BMERB1: variants seen among roughly 807,000 people sequenced by gnomAD.
The protein encoded by BMERB1 is bMERB domain containing 1, also known as bMERB domain-containing protein 1.
A neutral mutation model predicts 23.6 loss-of-function variants in BMERB1; 12 were observed. The ratio of observed to expected loss-of-function variants is 0.51; its 90% confidence interval spans 0.33 to 0.82. The LOEUF (loss-of-function observed/expected upper bound fraction) is 0.82. BMERB1 is among the 40% of genes least tolerant of loss of function. The probability of loss-of-function intolerance (pLI) is 0.03; values close to 1 mark genes in which losing one functional copy is unlikely to be tolerated. For missense variants in BMERB1, 247 were observed against 255.4 expected, an observed-to-expected ratio of 0.97 and a Z score of 0.22; for synonymous variants, 122 against 96.6, an observed-to-expected ratio of 1.26 and a Z score of -1.54.
chr16:15,444,094 C>T (rs564594048), intron 1 of BMERB1, among the ~76,000 whole-genome samples: 7 of 126,798 alleles, frequency 5.5e-5, no homozygotes, highest in African/African-American at 1.5e-4. Flanking sequence ...GGTGAATATT[C>T]CAAAGGCCAG....
At chr16:15,481,653 A>G (rs971330084) in intron 1 of BMERB1, among the ~76,000 whole-genome samples, 4 of 151,966 alleles carry the variant, frequency 2.6e-5, no homozygotes, top group African/African-American at 9.7e-5. Flanking sequence ...ACCTACTTCT[A>G]GATTGTCTGC....
intron 1 of BMERB1, among the ~76,000 whole-genome samples, chr16:15,469,719 A>G (rs1267232727): frequency 6.6e-6 from 1 of 152,172 alleles, no homozygotes; most frequent in African/African-American, 2.4e-5. Context: ...ATAAATTTAT[A>G]TTTAGGTATT....
At chr16:15,568,105 C>T in intron 3 of BMERB1, 49 bp downstream of exon 3, 1 of 1,539,732 alleles carries the variant, frequency 6.5e-7, no homozygotes, top group Non-Finnish European at 8.9e-7. Flanking sequence ...TTGGGGGCCC[C>T]CAGCCTGGCC....
chr16:15,586,608 G>A, intron 5 of BMERB1, 109 bp from the exon 6 acceptor site: 1 of 851,754 alleles, frequency 1.2e-6, no homozygotes, highest in Non-Finnish European at 2.0e-6. Flanking sequence ...ACAAGACCTG[G>A]CCAGGGGTTG....
chr16:15,434,783 G>T (rs755545580), intron 1 of BMERB1, 24 bp downstream of exon 1: 2 of 461,478 alleles, frequency 4.3e-6, no homozygotes, highest in Non-Finnish European at 8.5e-6. Context: ...CGGGGGGCGG[G>T]GGGCCGGGGA....
chr16:15,463,730 A>AC (rs1376473743), intron 1 of BMERB1, among the ~76,000 whole-genome samples: 2 of 151,450 alleles, frequency 1.3e-5, no homozygotes, highest in Non-Finnish European at 1.5e-5. Context: ...CCCAATCCTG[A>AC]CCCCCATCCC....
At chr16:15,567,026 CTG>C (rs1390144252) in intron 2 of BMERB1, among the ~76,000 whole-genome samples, 1 of 151,622 alleles carries the variant, frequency 6.6e-6, no homozygotes, top group Non-Finnish European at 1.5e-5. Flanking sequence ...CTACAAAAAA[CTG>C]TTTAAAAATT....
At chr16:15,575,251 A>G (rs925598595) in intron 3 of BMERB1, among the ~76,000 whole-genome samples, 1 of 152,092 alleles carries the variant, frequency 6.6e-6, no homozygotes, top group Non-Finnish European at 1.5e-5. Flanking sequence ...ATGCCAGTGG[A>G]TCCATTTGGT....
intron 3 of BMERB1, among the ~76,000 whole-genome samples, chr16:15,574,318 G>A (rs533214027): frequency 1.3e-5 from 2 of 152,182 alleles, no homozygotes; most frequent in East Asian, 3.9e-4. Flanking sequence ...GGGATGATGG[G>A]GATTATAATT....
chr16:15,481,192 A>T (rs937258325), intron 1 of BMERB1, among the ~76,000 whole-genome samples: 3 of 152,120 alleles, frequency 2.0e-5, no homozygotes, highest in African/African-American at 7.2e-5. Flanking sequence ...GTCACAGAAT[A>T]TGTAGAGCAT....
intron 2 of BMERB1, among the ~76,000 whole-genome samples, chr16:15,549,034 G>A (rs553527884): frequency 6.6e-6 from 1 of 152,172 alleles, no homozygotes; most frequent in African/African-American, 2.4e-5. Context: ...GTCCTTAGAA[G>A]CTCAGCTGAA....
At chr16:15,434,789 G>T in intron 1 of BMERB1, 30 bp downstream of exon 1, 1 of 721,726 alleles carries the variant, frequency 1.4e-6, no homozygotes. Context: ...GCGGGGGGCC[G>T]GGGACAGCTG....
At chr16:15,581,163 C>A in intron 3 of BMERB1, 54 bp from the exon 4 acceptor site, 1 of 1,355,816 alleles carries the variant, frequency 7.4e-7, no homozygotes. Flanking sequence ...GTGATCCGCC[C>A]ACCTCAGCCT....
chr16:15,560,066 G>C (rs185003335), intron 2 of BMERB1, among the ~76,000 whole-genome samples: 29 of 152,320 alleles, frequency 1.9e-4, no homozygotes, highest in Admixed American at 1.8e-3. Flanking sequence ...TCCTTTAGCG[G>C]AAGGTGTGTG....
intron 2 of BMERB1, among the ~76,000 whole-genome samples, chr16:15,523,783 C>A (rs1035010044): frequency 6.6e-6 from 1 of 152,100 alleles, no homozygotes; most frequent in African/African-American, 2.4e-5. Flanking sequence ...AAATTCCCTT[C>A]TTTCCTTTCA....
intron 1 of BMERB1, among the ~76,000 whole-genome samples, chr16:15,508,022 C>G (rs2051613557): frequency 6.6e-6 from 1 of 152,130 alleles, no homozygotes; most frequent in South Asian, 2.1e-4. Context: ...GGAGGTAGTT[C>G]TTACATGAAT....
At chr16:15,472,261 A>G (rs552352925) in intron 1 of BMERB1, among the ~76,000 whole-genome samples, 8 of 152,228 alleles carry the variant, frequency 5.3e-5, no homozygotes, top group Non-Finnish European at 1.0e-4. Context: ...CCCAACTTAA[A>G]TATCAATTAA....
At chr16:15,525,139 G>T (rs1168847009) in intron 2 of BMERB1, among the ~76,000 whole-genome samples, 4 of 152,160 alleles carry the variant, frequency 2.6e-5, no homozygotes, top group Non-Finnish European at 4.4e-5. Flanking sequence ...CTAATGTAGA[G>T]GTGGGTGGGC....
chr16:15,569,482 A>G (rs2030669226), intron 3 of BMERB1, among the ~76,000 whole-genome samples: 1 of 152,142 alleles, frequency 6.6e-6, no homozygotes, highest in Non-Finnish European at 1.5e-5. Context: ...ACCAAGGAGG[A>G]TGGGGCTAAA....
Sources: gnomAD v4.1 joint callset for allele counts (sites outside exome capture counted in the v4.1 genomes callset) on GRCh38, gnomAD v4.1.1 for gene constraint, MANE v1.5 for transcripts, NCBI Gene and HGNC (gene_info 2026-07-23, HGNC 2026-07-21) for gene names.